Variants in KCNN3 observed in about 807,000 individuals in gnomAD.
KCNN3 encodes potassium calcium-activated channel subfamily N member 3.
Under a neutral mutation model 62.9 loss-of-function variants are expected in KCNN3, and 16 were observed. The observed-to-expected ratio is 0.25, with a 90% CI of 0.17 to 0.39. The LOEUF (loss-of-function observed/expected upper bound fraction) is 0.39. Ranked by LOEUF, KCNN3 falls within the 10% of genes least tolerant of loss-of-function variation. KCNN3 has a pLI of 1.00. For synonymous variants in KCNN3, 370 were observed against 389.2 expected, an observed-to-expected ratio of 0.95 and a Z score of 0.58; for missense variants, 599 against 949.4, an observed-to-expected ratio of 0.63 and a Z score of 4.85.
At chr1:154,829,153 G>A (rs927359393) in intron 1 of KCNN3, among the ~76,000 whole-genome samples, 2 of 152,198 alleles carry the variant, frequency 1.3e-5, no homozygotes, top group Non-Finnish European at 2.9e-5. Context: ...ACTCTCCCTG[G>A]CCTCTCTGTC....
rs370276995 is a variant in KCNN3, at chr1:154,771,960, C to A, written c.1448+15G>T. The A allele has an allele frequency of 6.1e-5, 98 of 1,613,280 alleles. No homozygotes were observed. In the African/African-American group the frequency reaches 1.2e-3, roughly 20 times the overall value. ...CAGCACAGGCTCTGTACTCAGAAAG[C>A]CCCATGTGGAATACCTTTCACAGAC... On this transcript the variant is annotated intron_variant, in intron 3 of 7. Transcript: ENST00000271915.
intron 1 of KCNN3, among the ~76,000 whole-genome samples, chr1:154,864,335 C>T (rs1256370711): frequency 6.6e-6 from 1 of 152,272 alleles, no homozygotes; most frequent in African/African-American, 2.4e-5. Context: ...CAAAGCAGCA[C>T]CTGGGTCCAA....
At position 154,700,826 on chromosome 1, in the gene KCNN3, A is replaced by T. The variant is rs1369403241; in HGVS notation, c.*7150T>A. ...TCAAAATAATAATAATAATAATTTT[A>T]AAAAAGAAAAAATCATTTAGTAGCA... On this transcript the variant is annotated 3_prime_UTR_variant, in exon 8 of 8. Coordinates refer to ENST00000271915, the MANE Select transcript of KCNN3 (RefSeq NM_002249.6). 2 of 152,144 alleles carry T rather than the reference A, an allele frequency of 1.3e-5. No individual in the cohort carries two copies. Among genetic ancestry groups the T allele is most frequent in the East Asian group, 1.9e-4 (1 of 5,198 alleles). The allele number at this position is 152,144 out of a possible 1,614,324, so 9.4% of individuals were successfully genotyped here.
intron 3 of KCNN3, among the ~76,000 whole-genome samples, chr1:154,736,417 C>T (rs34085553): frequency 0.12 from 18,669 of 152,146 alleles, 1,565 homozygotes; most frequent in East Asian, 0.24. Context: ...TTGATACAGA[C>T]ACAAAAGAAA....
intron 3 of KCNN3, among the ~76,000 whole-genome samples, chr1:154,765,265 G>A (rs1039393922): frequency 6.9e-6 from 1 of 143,896 alleles, no homozygotes; most frequent in African/African-American, 2.5e-5. Context: ...TTTACTGTGC[G>A]TATATTTCTG....
At chr1:154,730,115 T>C (rs1700561161) in intron 4 of KCNN3, among the ~76,000 whole-genome samples, 1 of 152,238 alleles carries the variant, frequency 6.6e-6, no homozygotes, top group Non-Finnish European at 1.5e-5. Flanking sequence ...TTCTGGATAC[T>C]AAATATTGAC....
At chr1:154,834,816 C>T (rs946668159) in intron 1 of KCNN3, among the ~76,000 whole-genome samples, 2 of 152,312 alleles carry the variant, frequency 1.3e-5, no homozygotes, top group South Asian at 2.1e-4. Flanking sequence ...AGACTTGAAA[C>T]ACACAGCTTC....
chr1:154,859,594 A>G, intron 1 of KCNN3: 2 of 1,180,064 alleles, frequency 1.7e-6, no homozygotes, highest in South Asian at 2.4e-5. Context: ...CCCTCAGCTC[A>G]AAGCCACTGA....
chr1:154,721,490 G>A (rs1252314825), intron 5 of KCNN3, among the ~76,000 whole-genome samples: 3 of 151,872 alleles, frequency 2.0e-5, no homozygotes, highest in South Asian at 2.1e-4. Context: ...TAGTAGAGAC[G>A]GGGTTTCACC....
At position 154,766,416 on chromosome 1, in the gene KCNN3, T is replaced by TTTTATATATATATATA. The variant is rs1553231996; in HGVS notation, c.1448+5558_1448+5559insTATATATATATATAAA. ...CCATTTATTAAATACTAGCCAGGCTTTATATATATATATATATATATATAT... is the reference window on the plus strand; with the variant it reads ...CCATTTATTAAATACTAGCCAGGCTTTTTATATATATATATATATATATATATATATATATATATAT... On this transcript the variant is annotated intron_variant, in intron 3 of 7. Coordinates refer to ENST00000271915, the MANE Select transcript of KCNN3 (RefSeq NM_002249.6). Among the ~76,000 whole-genome samples the TTTTATATATATATATA allele has an allele frequency of 4.9e-4, 35 of 71,804 alleles. 1 individual carries two copies. Among genetic ancestry groups the TTTTATATATATATATA allele is most frequent in the African/African-American group, 8.6e-4 (17 of 19,738 alleles). 47.1% of individuals were successfully genotyped at this position (71,804 alleles called of 152,430 possible).
chr1:154,847,044 C>T (rs1301465636), intron 1 of KCNN3, among the ~76,000 whole-genome samples: 1 of 152,066 alleles, frequency 6.6e-6, no homozygotes. Context: ...CCTCACCCCC[C>T]TCCCTGAGCC....
intron 1 of KCNN3, among the ~76,000 whole-genome samples, chr1:154,858,507 G>A (rs1486339258): frequency 6.6e-6 from 1 of 152,252 alleles, no homozygotes; most frequent in African/African-American, 2.4e-5. Flanking sequence ...AGTTGGTGGA[G>A]AACAACACAT....
chr1:154,715,169 G>A (rs143857411), intron 5 of KCNN3, among the ~76,000 whole-genome samples, 166 bp from the exon 6 acceptor site: 34 of 152,266 alleles, frequency 2.2e-4, no homozygotes, highest in African/African-American at 7.7e-4. Flanking sequence ...CGGGCACGGT[G>A]GCTCCCGCCT....
chr1:154,725,046 G>A (rs543572199), intron 5 of KCNN3, among the ~76,000 whole-genome samples: 3 of 152,092 alleles, frequency 2.0e-5, no homozygotes, highest in South Asian at 2.1e-4. Context: ...TAGTAGAGAC[G>A]GGGTTTCACA....
chr1:154,782,613 T>C (rs1649096089), intron 2 of KCNN3, among the ~76,000 whole-genome samples: 1 of 152,242 alleles, frequency 6.6e-6, no homozygotes, highest in Admixed American at 6.5e-5. Flanking sequence ...CCTCAACAAA[T>C]GCGTTTTGGG....
chr1:154,761,409 A>G (rs1458479059), intron 3 of KCNN3, among the ~76,000 whole-genome samples: 1 of 152,000 alleles, frequency 6.6e-6, no homozygotes, highest in Non-Finnish European at 1.5e-5. Flanking sequence ...CAGAGGTTGC[A>G]GTGAGCCAAG....
At chr1:154,816,794 G>A (rs1168044429) in intron 2 of KCNN3, among the ~76,000 whole-genome samples, 1 of 152,210 alleles carries the variant, frequency 6.6e-6, no homozygotes, top group African/African-American at 2.4e-5. Flanking sequence ...TGTCTAAAAT[G>A]TAAATCTGAT....
rs1158164361 is a variant in KCNN3 at position 154,699,783 on chromosome 1, CACA to C, written c.*8190_*8192del. ...AGGGAAGAACACAAGGATCGAGAAA[CACA>C]ACAATTTCTGTACTATGCTAAGCAG... On this transcript the variant is annotated 3_prime_UTR_variant, in exon 8 of 8. Coordinates refer to ENST00000271915, the MANE Select transcript of KCNN3 (RefSeq NM_002249.6). 2 of 152,066 alleles carry C rather than the reference CACA, an allele frequency of 1.3e-5. No individual in the cohort carries two copies. Among genetic ancestry groups the C allele is most frequent in the Non-Finnish European group, 2.9e-5 (2 of 68,026 alleles). 9.4% of individuals were successfully genotyped at this position (152,066 alleles called of 1,614,324 possible). A position where few individuals can be genotyped will look rare whatever the true frequency, so the allele number is the denominator to read the frequency against.
intron 2 of KCNN3, among the ~76,000 whole-genome samples, chr1:154,782,462 G>A (rs902040895): frequency 6.6e-6 from 1 of 152,242 alleles, no homozygotes; most frequent in African/African-American, 2.4e-5. Flanking sequence ...TCACATGGCA[G>A]AGAAAGGGAG....
Sources: gnomAD v4.1 joint callset for allele counts (sites outside exome capture counted in the v4.1 genomes callset) on GRCh38, gnomAD v4.1.1 for gene constraint, MANE v1.5 for transcripts, NCBI Gene and HGNC (gene_info 2026-07-23, HGNC 2026-07-21) for gene names.